Variants in SLC60A1 observed in about 807,000 individuals in gnomAD.
SLC60A1 encodes solute carrier family 60 member 1.
the SLC60A1 span, among the ~76,000 whole-genome samples, chr1:205,593,619 C>T: frequency 2.6e-5 from 4 of 152,032 alleles, no homozygotes; most frequent in African/African-American, 9.7e-5. Context: ...ATAACATCAC[C>T]ATCAGTCGTT....
chr1:205,575,064 G>T, the SLC60A1 span, among the ~76,000 whole-genome samples: 2 of 152,178 alleles, frequency 1.3e-5, no homozygotes, highest in Admixed American at 6.5e-5. Context: ...AGTCTCAGCT[G>T]CCCCTTCCCC....
the SLC60A1 span, chr1:205,579,407 C>G: frequency 1.9e-6 from 1 of 517,422 alleles, no homozygotes. Context: ...TTGAGATGCT[C>G]AAAACAGGTT....
At chr1:205,573,753 G>A in the SLC60A1 span, among the ~76,000 whole-genome samples, 1 of 152,056 alleles carries the variant, frequency 6.6e-6, no homozygotes, top group Non-Finnish European at 1.5e-5. Context: ...CTGCAGTGAG[G>A]TGGTACGATC....
At chr1:205,597,106 G>C in the SLC60A1 span, among the ~76,000 whole-genome samples, 1 of 152,218 alleles carries the variant, frequency 6.6e-6, no homozygotes, top group East Asian at 1.9e-4. Flanking sequence ...GCCTGCACCA[G>C]AGGGCTAGCC....
the SLC60A1 span, chr1:205,597,835 G>T: frequency 6.2e-7 from 1 of 1,614,006 alleles, no homozygotes; most frequent in Non-Finnish European, 8.5e-7. Context: ...TGGTGCTGCA[G>T]ATGCTGGTTG....
chr1:205,576,022 T>C, the SLC60A1 span, among the ~76,000 whole-genome samples: 2 of 152,154 alleles, frequency 1.3e-5, no homozygotes, highest in Admixed American at 6.5e-5. Flanking sequence ...AGTTTCCTGA[T>C]CTGTAAAATG....
At chr1:205,587,782 A>C in the SLC60A1 span, among the ~76,000 whole-genome samples, 1 of 152,144 alleles carries the variant, frequency 6.6e-6, no homozygotes, top group Non-Finnish European at 1.5e-5. Flanking sequence ...AGTTGGGGCG[A>C]AACGATGTCA....
the SLC60A1 span, among the ~76,000 whole-genome samples, chr1:205,582,824 G>A: frequency 6.6e-6 from 1 of 152,300 alleles, no homozygotes; most frequent in East Asian, 1.9e-4. Flanking sequence ...GCCAACACAG[G>A]GGTGGTTTTT....
At chr1:205,581,319 C>T in the SLC60A1 span, among the ~76,000 whole-genome samples, 5 of 152,372 alleles carry the variant, frequency 3.3e-5, no homozygotes, top group Admixed American at 6.5e-5. This position sits in a 1 kb window ranked among gnomAD's most constrained non-coding sequence, Gnocchi z 4.2. Context: ...CTGTGCCCTC[C>T]TGTCAGGGGC....
the SLC60A1 span, chr1:205,580,893 A>G: frequency 1.1e-5 from 17 of 1,613,862 alleles, no homozygotes; most frequent in Non-Finnish European, 1.2e-5. The surrounding 1 kb of genome is among the most constrained non-coding windows in gnomAD (Gnocchi z 5.0). Context: ...CGAGTGTCCT[A>G]TGCCTTCTGG....
At chr1:205,585,866 G>A in the SLC60A1 span, among the ~76,000 whole-genome samples, 11 of 152,184 alleles carry the variant, frequency 7.2e-5, no homozygotes, top group Admixed American at 7.2e-4. The surrounding 1 kb of genome is among the most constrained non-coding windows in gnomAD (Gnocchi z 4.2). Flanking sequence ...TGAGCCAAGT[G>A]TGTAGTGTGG....
the SLC60A1 span, chr1:205,602,141 G>C: frequency 6.6e-6 from 1 of 152,276 alleles, no homozygotes; most frequent in East Asian, 1.9e-4. Flanking sequence ...ACTGTATAAT[G>C]GTTTTGCCTG....
chr1:205,582,092 C>T, the SLC60A1 span, among the ~76,000 whole-genome samples: 1 of 152,208 alleles, frequency 6.6e-6, no homozygotes, highest in Non-Finnish European at 1.5e-5. Context: ...CCACCCTCTC[C>T]GTCTGCTCCT....
At chr1:205,578,115 GTTC>G in the SLC60A1 span, among the ~76,000 whole-genome samples, 34 of 152,368 alleles carry the variant, frequency 2.2e-4, no homozygotes, top group African/African-American at 8.2e-4. Context: ...TAATGAGCTA[GTTC>G]TTCGAGAGAG....
chr1:205,584,475 C>T, the SLC60A1 span, among the ~76,000 whole-genome samples: 7,804 of 150,278 alleles, frequency 0.052, 684 homozygotes, highest in African/African-American at 0.18. Context: ...CCATCTGCCT[C>T]GGCCTCCCAA....
At chr1:205,590,912 A>G in the SLC60A1 span, among the ~76,000 whole-genome samples, 1 of 152,030 alleles carries the variant, frequency 6.6e-6, no homozygotes, top group African/African-American at 2.4e-5. Flanking sequence ...TTATTTCACC[A>G]CCACTCTTTA....
At chr1:205,590,371 A>G in the SLC60A1 span, among the ~76,000 whole-genome samples, 3 of 152,234 alleles carry the variant, frequency 2.0e-5, no homozygotes, top group Non-Finnish European at 4.4e-5. Flanking sequence ...TTATGCTATG[A>G]CTTTCATATT....
chr1:205,584,395 T>C, the SLC60A1 span, among the ~76,000 whole-genome samples: 1 of 151,762 alleles, frequency 6.6e-6, no homozygotes, highest in African/African-American at 2.4e-5. Context: ...CTAATTTTTG[T>C]ATTTTTAAAG....
the SLC60A1 span, chr1:205,599,241 A>C: frequency 6.2e-7 from 1 of 1,613,790 alleles, no homozygotes; most frequent in Non-Finnish European, 8.5e-7. Context: ...TGCACCCTGG[A>C]CTCCCATCAG....
Sources: gnomAD v4.1 joint callset for allele counts (sites outside exome capture counted in the v4.1 genomes callset) on GRCh38, gnomAD v4.1.1 for gene constraint, Gnocchi (gnomAD v3.1) non-coding constraint, MANE v1.5 for transcripts, NCBI Gene and HGNC (gene_info 2026-07-23, HGNC 2026-07-21) for gene names.